Variants in RNF130 observed in about 807,000 individuals in gnomAD.
The protein encoded by RNF130 is ring finger protein 130, also known as E3 ubiquitin-protein ligase RNF130.
Under a neutral mutation model 44.6 loss-of-function variants are expected in RNF130, and 21 were observed. The observed-to-expected ratio is 0.47, with a 90% CI of 0.33 to 0.68. RNF130 has a LOEUF of 0.68. Among genes scored for constraint, RNF130 ranks in the 30% least tolerant of loss-of-function variants. The pLI is 0.02. For synonymous variants in RNF130, 214 were observed against 210.4 expected, an observed-to-expected ratio of 1.02 and a Z score of -0.15; for missense variants, 479 against 560.6, an observed-to-expected ratio of 0.85 and a Z score of 1.47.
chr5:180,064,090 A>G (rs1466784664), intron 1 of RNF130, among the ~76,000 whole-genome samples: 1 of 152,182 alleles, frequency 6.6e-6, no homozygotes, highest in Non-Finnish European at 1.5e-5. Flanking sequence ...GCAACGTAGG[A>G]CCTATTATAA....
exon 8 of RNF130, chr5:179,912,696 G>A (rs563912544): frequency 3.1e-4 from 48 of 152,400 alleles, no homozygotes; most frequent in African/African-American, 1.1e-3. Flanking sequence ...TGAAGGAAGA[G>A]AAATGGCCAG....
At chr5:180,037,727 T>C (rs1404490751) in intron 2 of RNF130, among the ~76,000 whole-genome samples, 2 of 152,270 alleles carry the variant, frequency 1.3e-5, no homozygotes, top group African/African-American at 2.4e-5. Flanking sequence ...GTGAAATTAA[T>C]GATCGCAGTG....
chr5:179,920,153 C>A, exon 8 of RNF130: 1 of 558,506 alleles, frequency 1.8e-6, no homozygotes, highest in Admixed American at 2.9e-5. Context: ...CTCAAAGCCT[C>A]ACCTTGGGGG....
At chr5:180,039,608 C>T (rs1764357421) in intron 2 of RNF130, among the ~76,000 whole-genome samples, 1 of 152,112 alleles carries the variant, frequency 6.6e-6, no homozygotes, top group East Asian at 1.9e-4. Context: ...GGGGAAGTAC[C>T]AACGACTCTC....
At chr5:179,942,774 G>C (rs997373916) in intron 7 of RNF130, among the ~76,000 whole-genome samples, 13 of 152,214 alleles carry the variant, frequency 8.5e-5, no homozygotes, top group African/African-American at 2.7e-4. Flanking sequence ...TTTCTTCAGA[G>C]ATGCTGTAAT....
intron 3 of RNF130, among the ~76,000 whole-genome samples, chr5:180,010,718 T>C (rs1228988531): frequency 6.6e-6 from 1 of 152,090 alleles, no homozygotes; most frequent in Non-Finnish European, 1.5e-5. Flanking sequence ...GAGAAACAGA[T>C]TCCTGGTAGA....
chr5:180,043,977 C>T (rs1477886206), intron 1 of RNF130, among the ~76,000 whole-genome samples: 1 of 152,096 alleles, frequency 6.6e-6, no homozygotes, highest in Non-Finnish European at 1.5e-5. Flanking sequence ...GTTATTCCCT[C>T]CTGTAATTAA....
At chr5:180,052,124 G>A (rs779461072) in intron 1 of RNF130, among the ~76,000 whole-genome samples, 3 of 151,888 alleles carry the variant, frequency 2.0e-5, no homozygotes, top group Non-Finnish European at 4.4e-5. Flanking sequence ...CTAGACCCTC[G>A]CCAAGGTCTG....
At chr5:180,047,699 G>A (rs555695413) in intron 1 of RNF130, among the ~76,000 whole-genome samples, 1 of 152,224 alleles carries the variant, frequency 6.6e-6, no homozygotes, top group Admixed American at 6.5e-5. Context: ...AGCCGAGATT[G>A]CACCACTCCA....
intron 7 of RNF130, among the ~76,000 whole-genome samples, chr5:179,930,291 C>CAA (rs1263216369): frequency 6.6e-6 from 1 of 152,178 alleles, no homozygotes; most frequent in East Asian, 1.9e-4. Context: ...CTCCTGACCT[C>CAA]GTGATCTGCC....
At chr5:180,062,595 A>C (rs914846028) in intron 1 of RNF130, among the ~76,000 whole-genome samples, 1 of 152,232 alleles carries the variant, frequency 6.6e-6, no homozygotes. Flanking sequence ...AAGAATGGTC[A>C]AAATAAATAG....
intron 1 of RNF130, among the ~76,000 whole-genome samples, chr5:180,063,200 G>T (rs894595046): frequency 6.6e-6 from 1 of 152,174 alleles, no homozygotes. Flanking sequence ...TAGAAGAAAA[G>T]ATTGAAAGAA....
chr5:180,035,535 C>A (rs967453559), intron 2 of RNF130, among the ~76,000 whole-genome samples: 20 of 152,122 alleles, frequency 1.3e-4, no homozygotes, highest in African/African-American at 4.8e-4. Flanking sequence ...TAGTGTTGGT[C>A]AAGGTTTCTA....
intron 2 of RNF130, 55 bp from the exon 3 acceptor site, chr5:180,013,366 T>G: frequency 1.4e-6 from 2 of 1,447,012 alleles, no homozygotes; most frequent in Admixed American, 2.0e-5. Context: ...TATGGAAACA[T>G]CAAATGTATC....
chr5:179,975,308 G>C (rs1340194767), intron 5 of RNF130, among the ~76,000 whole-genome samples: 1 of 152,208 alleles, frequency 6.6e-6, no homozygotes, highest in African/African-American at 2.4e-5. Flanking sequence ...GCCATCCTCA[G>C]CTCAGCGGTT....
chr5:179,935,971 C>G (rs1761886469), intron 7 of RNF130, among the ~76,000 whole-genome samples: 1 of 152,204 alleles, frequency 6.6e-6, no homozygotes, highest in South Asian at 2.1e-4. Flanking sequence ...CAGCGTCTCA[C>G]ACATCGAGCA....
intron 3 of RNF130, among the ~76,000 whole-genome samples, chr5:179,990,291 C>G (rs1763051452): frequency 6.6e-6 from 1 of 152,192 alleles, no homozygotes; most frequent in Non-Finnish European, 1.5e-5. Context: ...ACAGGGGGCC[C>G]TTCCCTGTTA....
chr5:180,058,384 T>A (rs1764887467), intron 1 of RNF130, among the ~76,000 whole-genome samples: 1 of 152,230 alleles, frequency 6.6e-6, no homozygotes, highest in Non-Finnish European at 1.5e-5. Flanking sequence ...TTCAACAGTA[T>A]TTTAACACAT....
chr5:179,919,713 G>C (rs1473667783), exon 8 of RNF130: 2 of 152,276 alleles, frequency 1.3e-5, no homozygotes, highest in Non-Finnish European at 2.9e-5. Flanking sequence ...ACACAGACCC[G>C]GCCCCACGGC....
Sources: gnomAD v4.1 joint callset for allele counts (sites outside exome capture counted in the v4.1 genomes callset) on GRCh38, gnomAD v4.1.1 for gene constraint, MANE v1.5 for transcripts, NCBI Gene and HGNC (gene_info 2026-07-23, HGNC 2026-07-21) for gene names.